CHSY3: variants seen among roughly 807,000 people sequenced by gnomAD.
CHSY3 encodes N-acetylgalactosaminyl-proteoglycan 3-beta-glucuronosyltransferase 3.
Under a neutral mutation model 67.2 loss-of-function variants are expected in CHSY3, and 35 were observed. The observed-to-expected ratio is 0.52, with a 90% CI of 0.40 to 0.69. CHSY3 has a LOEUF of 0.69. Ranked by LOEUF, CHSY3 falls within the 30% of genes least tolerant of loss-of-function variation. The pLI is 0.00. For missense variants in CHSY3, 1,069 were observed against 1,138.5 expected (o/e 0.94, Z 0.88); for synonymous variants, 474 against 434.7 (o/e 1.09, Z -1.12).
Position 130,091,868 on chromosome 5 carries a change from A to AGTT in CHSY3, c.1087-92361_1087-92360insGTT, listed in dbSNP as rs574471786. On this transcript the variant is annotated intron_variant, in intron 2 of 2. Coordinates refer to ENST00000305031, the MANE Select transcript of CHSY3 (RefSeq NM_175856.5). Reference sequence around the variant, plus strand: ...TGGTACCGCAGGCTTCATAAGGTTAACTAGCCTAGAGTTCAAAATGAGATT... The same window carrying AGTT: ...TGGTACCGCAGGCTTCATAAGGTTAAGTTCTAGCCTAGAGTTCAAAATGAGATT... Among the ~76,000 whole-genome samples the AGTT allele has an allele frequency of 3.2e-4, 49 of 152,316 alleles. 1 individual carries two copies. In the South Asian group the frequency reaches 0.01, roughly 32 times the overall value.
At chr5:129,997,028 G>T (rs1393843938) in intron 2 of CHSY3, among the ~76,000 whole-genome samples, 3 of 151,388 alleles carry the variant, frequency 2.0e-5, no homozygotes, top group Non-Finnish European at 4.4e-5. Context: ...GTCAATACTT[G>T]GTTGTTTCTT....
At chr5:130,014,453 G>A (rs1050713089) in intron 2 of CHSY3, among the ~76,000 whole-genome samples, 2 of 152,154 alleles carry the variant, frequency 1.3e-5, no homozygotes, top group East Asian at 3.9e-4. Flanking sequence ...ATGGTGGAAG[G>A]CACCTCTTCA....
At chr5:129,916,876 A>G (rs1338575290) in intron 2 of CHSY3, among the ~76,000 whole-genome samples, 1 of 151,922 alleles carries the variant, frequency 6.6e-6, no homozygotes, top group African/African-American at 2.4e-5. Flanking sequence ...ACATCCTTCT[A>G]AATTGTTTTT....
At chr5:130,045,624 T>C (rs1027643716) in intron 2 of CHSY3, among the ~76,000 whole-genome samples, 7 of 152,068 alleles carry the variant, frequency 4.6e-5, no homozygotes, top group Admixed American at 4.6e-4. Context: ...AGTTATCTGA[T>C]GTAGATTTGG....
At chr5:130,081,056 A>G (rs971263037) in intron 2 of CHSY3, among the ~76,000 whole-genome samples, 20 of 152,104 alleles carry the variant, frequency 1.3e-4, no homozygotes, top group Non-Finnish European at 2.6e-4. Context: ...CTTGAAGAAC[A>G]TACAATGGCT....
At chr5:130,163,854 T>C (rs532530821) in intron 2 of CHSY3, among the ~76,000 whole-genome samples, 9 of 152,160 alleles carry the variant, frequency 5.9e-5, no homozygotes, top group Admixed American at 1.3e-4. Context: ...TGTGATACCT[T>C]GCAAAGAAGA....
At chr5:129,970,263 TA>T (rs1466334361) in intron 2 of CHSY3, among the ~76,000 whole-genome samples, 3 of 151,916 alleles carry the variant, frequency 2.0e-5, no homozygotes, top group Non-Finnish European at 4.4e-5. Context: ...GTTTGTCTTG[TA>T]AACATTTGCA....
At chr5:129,954,776 CTCTG>C (rs1387003084) in intron 2 of CHSY3, among the ~76,000 whole-genome samples, 2 of 152,016 alleles carry the variant, frequency 1.3e-5, no homozygotes, top group African/African-American at 2.4e-5. Context: ...TGATTTGGCT[CTCTG>C]TCTGTTATTG....
At chr5:130,101,041 G>A (rs1028737920) in intron 2 of CHSY3, among the ~76,000 whole-genome samples, 6 of 152,140 alleles carry the variant, frequency 3.9e-5, no homozygotes, top group Non-Finnish European at 8.8e-5. Flanking sequence ...AAACAGTCCC[G>A]CAAGTACTTT....
At chr5:129,943,328 A>C (rs571491397) in intron 2 of CHSY3, among the ~76,000 whole-genome samples, 1 of 152,322 alleles carries the variant, frequency 6.6e-6, no homozygotes, top group Admixed American at 6.5e-5. Context: ...TTGATCAAAA[A>C]ATCATGCCGA....
At position 129,932,936 on chromosome 5, in the gene CHSY3, A is replaced by G. The variant is rs78577930; in HGVS notation, c.1086+24576A>G. Reference sequence around the variant, plus strand: ...GGAATGAGGAGACATAGGTTTTTATATTAACTCCGACATTAGCTAGTTTAT... The same window carrying G: ...GGAATGAGGAGACATAGGTTTTTATGTTAACTCCGACATTAGCTAGTTTAT... On this transcript the variant is annotated intron_variant, in intron 2 of 2. Transcript: ENST00000305031. Among the ~76,000 whole-genome samples, 58 of 152,254 alleles carry G rather than the reference A, an allele frequency of 3.8e-4. No homozygotes were observed. In the East Asian group the frequency reaches 0.011, roughly 28 times the overall value.
chr5:130,053,177 G>A (rs959511864), intron 2 of CHSY3, among the ~76,000 whole-genome samples: 4 of 152,254 alleles, frequency 2.6e-5, no homozygotes, highest in Admixed American at 2.6e-4. Context: ...TAGCTGGTCT[G>A]TATAGAGTTA....
chr5:130,037,613 G>C (rs546412579), intron 2 of CHSY3, among the ~76,000 whole-genome samples: 5 of 151,990 alleles, frequency 3.3e-5, no homozygotes, highest in Non-Finnish European at 7.4e-5. Context: ...ATGCCTACTT[G>C]TCAGGAATGA....
At chr5:129,977,407 A>G (rs1762844752) in intron 2 of CHSY3, among the ~76,000 whole-genome samples, 1 of 152,194 alleles carries the variant, frequency 6.6e-6, no homozygotes, top group Non-Finnish European at 1.5e-5. Flanking sequence ...GAATCCTTGA[A>G]AATCACCACT....
chr5:130,110,732 A>G (rs1328277667), intron 2 of CHSY3, among the ~76,000 whole-genome samples: 2 of 151,980 alleles, frequency 1.3e-5, no homozygotes, highest in Non-Finnish European at 2.9e-5. Context: ...ACCTTTTTAT[A>G]TTTCATTAAC....
chr5:130,143,842 A>G (rs1479772374), intron 2 of CHSY3, among the ~76,000 whole-genome samples: 1 of 130,812 alleles, frequency 7.6e-6, no homozygotes, highest in South Asian at 2.4e-4. Flanking sequence ...ATATATATAT[A>G]TATATGCCAA....
intron 2 of CHSY3, chr5:130,140,314 G>A (rs776304049): frequency 5.6e-5 from 28 of 498,492 alleles, no homozygotes; most frequent in Admixed American, 3.9e-4. Context: ...CTTCATAGTG[G>A]TGAATAAGCA....
chr5:129,996,813 G>A (rs1427582569), intron 2 of CHSY3, among the ~76,000 whole-genome samples: 1 of 151,928 alleles, frequency 6.6e-6, no homozygotes, highest in Non-Finnish European at 1.5e-5. Flanking sequence ...CTTTATAATA[G>A]CATTTATCAT....
chr5:129,955,989 A>C (rs1762160033), intron 2 of CHSY3, among the ~76,000 whole-genome samples: 1 of 152,132 alleles, frequency 6.6e-6, no homozygotes, highest in African/African-American at 2.4e-5. Flanking sequence ...ATAAGCAGTG[A>C]ACCTACACAT....
Sources: gnomAD v4.1 joint callset for allele counts (sites outside exome capture counted in the v4.1 genomes callset) on GRCh38, gnomAD v4.1.1 for gene constraint, MANE v1.5 for transcripts, NCBI Gene and HGNC (gene_info 2026-07-23, HGNC 2026-07-21) for gene names.